The following MAGI2 variants were observed in gnomAD, a reference collection of about 807,000 sequenced individuals.
MAGI2 encodes membrane-associated guanylate kinase, WW and PDZ domain-containing protein 2.
A neutral mutation model predicts 133.3 loss-of-function variants in MAGI2; 35 were observed. The observed-to-expected ratio is 0.26, with a 90% CI of 0.20 to 0.35. The LOEUF is 0.35. MAGI2 is among the 10% of genes least tolerant of loss of function. The probability of loss-of-function intolerance (pLI) is 1.00; values close to 1 mark genes in which losing one functional copy is unlikely to be tolerated. For synonymous variants in MAGI2, 729 were observed against 710.6 expected (o/e 1.03, Z -0.41); for missense variants, 1,636 against 1,863.4 (o/e 0.88, Z 2.25).
chr7:79,339,464 G>GTTTTTTTTT (rs71095397), intron 1 of MAGI2, among the ~76,000 whole-genome samples: 10 of 134,534 alleles, frequency 7.4e-5, no homozygotes, highest in African/African-American at 1.3e-4. Flanking sequence ...TTTTGTTTTT[G>GTTTTTTTTT]TTTTTTTTTT....
At chr7:78,196,625 T>G (rs1231635923) in intron 11 of MAGI2, among the ~76,000 whole-genome samples, 1 of 152,166 alleles carries the variant, frequency 6.6e-6, no homozygotes, top group Non-Finnish European at 1.5e-5. Context: ...CTCCAGTGTT[T>G]TTTAAACTGT....
rs768766751 is a variant in MAGI2 at position 78,185,669 on chromosome 7, T to C, written c.2271A>G (p.Gln757=). The C allele has an allele frequency of 1.9e-6, 3 of 1,578,110 alleles. No homozygotes were observed. The highest frequency in any genetic ancestry group is 1.7e-4 in the Middle Eastern group (1 of 5,932). Residue 757 remains glutamine, a splice_region_variant and synonymous_variant, in exon 13 of 22, where the codon CAA becomes CAG. Coordinates refer to ENST00000354212, the MANE Select transcript of MAGI2 (RefSeq NM_012301.4). ...GAAAACTGGTCCTGGGTGGCACTTG[T>C]TCTGGATGGGAAAATGGGGAATTAA... is the stretch of plus-strand genomic sequence containing the variant. ...EKSRAIYESR[Q]QVPPRTSFRM...
chr7:78,979,517 G>A lies in MAGI2; in HGVS notation c.418+27573C>T, dbSNP rs144645776. ...ATTTCTTGCTTCTCCCTGAGCTGGG[G>A]GTTTCACTTCCCTACCAGCTCACAA... On this transcript the variant is annotated intron_variant, in intron 2 of 21. Coordinates refer to ENST00000354212, the MANE Select transcript of MAGI2 (RefSeq NM_012301.4). 6.0e-3 allele frequency among the ~76,000 whole-genome samples: 911 copies of A among 151,812 alleles called. 7 individuals carry two copies. The highest frequency in any genetic ancestry group is 8.0e-3 in the Non-Finnish European group (545 of 67,846).
chr7:78,669,635 C>A lies in MAGI2; in HGVS notation c.419-42396G>T, dbSNP rs560129592. Among the ~76,000 whole-genome samples, 20 of 150,440 alleles carry A rather than the reference C, an allele frequency of 1.3e-4. No homozygotes were observed. The East Asian group carries it at 3.9e-3, about 29-fold the overall frequency. On this transcript the variant is annotated intron_variant, in intron 2 of 21. Transcript: ENST00000354212. Reference sequence around the variant, plus strand: ...CACAACAAAAAAAGAGAATTTTAGACCAATATCCTTGATGAATATTGATGC... The same window carrying A: ...CACAACAAAAAAAGAGAATTTTAGAACAATATCCTTGATGAATATTGATGC...
chr7:78,838,826 T>C (rs578213080), intron 2 of MAGI2, among the ~76,000 whole-genome samples: 5 of 152,166 alleles, frequency 3.3e-5, no homozygotes, highest in Admixed American at 2.0e-4. Flanking sequence ...AATGTAATTG[T>C]TTCCCTGTTA....
At chr7:79,286,925 A>G (rs1563078980) in intron 1 of MAGI2, among the ~76,000 whole-genome samples, 1 of 152,104 alleles carries the variant, frequency 6.6e-6, no homozygotes, top group South Asian at 2.1e-4. Flanking sequence ...TGGTCAAGTC[A>G]GGGCTTTAGG....
intron 2 of MAGI2, among the ~76,000 whole-genome samples, chr7:78,704,033 A>T (rs1818350030): frequency 6.6e-6 from 1 of 152,180 alleles, no homozygotes; most frequent in African/African-American, 2.4e-5. Flanking sequence ...CACGACAAAG[A>T]TGCCAAAAGC....
chr7:78,757,547 G>T (rs760217809), intron 2 of MAGI2, among the ~76,000 whole-genome samples: 15 of 151,990 alleles, frequency 9.9e-5, no homozygotes, highest in Non-Finnish European at 2.1e-4. Context: ...CTCCATTTCC[G>T]TTTTATTATC....
chr7:78,081,499 G>A (rs151331364), intron 20 of MAGI2, among the ~76,000 whole-genome samples: 1 of 152,300 alleles, frequency 6.6e-6, no homozygotes, highest in East Asian at 1.9e-4. Context: ...GAAAGTGGGG[G>A]TGGTGGGTAG....
At chr7:79,444,354 G>A (rs1225771921) in intron 1 of MAGI2, among the ~76,000 whole-genome samples, 2 of 152,120 alleles carry the variant, frequency 1.3e-5, no homozygotes, top group African/African-American at 4.8e-5. Context: ...TATTCAATTA[G>A]GAAAAGAGGA....
intron 9 of MAGI2, among the ~76,000 whole-genome samples, chr7:78,292,529 A>G (rs1207579834): frequency 6.6e-6 from 1 of 152,232 alleles, no homozygotes; most frequent in Non-Finnish European, 1.5e-5. Flanking sequence ...TATAGATTCA[A>G]TGCCATCCCC....
intron 3 of MAGI2, among the ~76,000 whole-genome samples, chr7:78,606,479 G>T (rs1805826597): frequency 6.6e-6 from 1 of 152,000 alleles, no homozygotes; most frequent in African/African-American, 2.4e-5. Flanking sequence ...AAGGAGAGGA[G>T]AACCAGGAAG....
chr7:78,585,088 C>T (rs1480615171), intron 3 of MAGI2, among the ~76,000 whole-genome samples: 1 of 152,126 alleles, frequency 6.6e-6, no homozygotes, highest in Admixed American at 6.5e-5. Flanking sequence ...AGAAAACAAA[C>T]TTCGGAAGGA....
At chr7:78,284,473 G>C (rs1365576513) in intron 9 of MAGI2, among the ~76,000 whole-genome samples, 1 of 142,934 alleles carries the variant, frequency 7.0e-6, no homozygotes, top group Non-Finnish European at 1.5e-5. Context: ...TTTAAAATAA[G>C]AATCCTTCAT....
intron 18 of MAGI2, among the ~76,000 whole-genome samples, chr7:78,128,869 G>A (rs145215374): frequency 9.2e-5 from 14 of 152,206 alleles, no homozygotes; most frequent in African/African-American, 3.4e-4. Context: ...TTGTCCACTC[G>A]CCTACTGAGA....
intron 3 of MAGI2, among the ~76,000 whole-genome samples, chr7:78,522,983 G>A (rs1488987223): frequency 6.6e-6 from 1 of 152,148 alleles, no homozygotes; most frequent in Non-Finnish European, 1.5e-5. Flanking sequence ...CAAATTTGAT[G>A]TCAAACAGAA....
chr7:78,994,310 A>G (rs1198675244), intron 2 of MAGI2, among the ~76,000 whole-genome samples: 2 of 152,166 alleles, frequency 1.3e-5, no homozygotes, highest in Non-Finnish European at 2.9e-5. Context: ...GATTACCTCC[A>G]GATGAGAATG....
At chr7:78,611,686 C>G (rs945518256) in intron 3 of MAGI2, among the ~76,000 whole-genome samples, 4 of 152,206 alleles carry the variant, frequency 2.6e-5, no homozygotes, top group Admixed American at 6.5e-5. Context: ...ACAACACACA[C>G]GTACAGCCTG....
intron 1 of MAGI2, among the ~76,000 whole-genome samples, chr7:79,182,495 A>G (rs1291365173): frequency 2.0e-5 from 3 of 151,994 alleles, no homozygotes; most frequent in Non-Finnish European, 2.9e-5. Context: ...CTCCCACAAC[A>G]TGTGGGAATT....
Sources: allele counts gnomAD v4.1 joint callset (sites outside exome capture counted in the v4.1 genomes callset), GRCh38; gene constraint gnomAD v4.1.1; transcripts MANE v1.5; gene names NCBI Gene and HGNC (gene_info 2026-07-23, HGNC 2026-07-21).